The following ETFDH variants were observed in gnomAD, a reference collection of about 807,000 sequenced individuals.
ETFDH encodes electron transfer flavoprotein-ubiquinone oxidoreductase, mitochondrial.
Under a neutral mutation model 73.2 loss-of-function variants are expected in ETFDH, and 61 were observed. That is an observed-to-expected ratio of 0.83 (90% CI 0.68 to 1.03). ETFDH has a LOEUF of 1.03. Ranked by LOEUF, ETFDH falls within the 50% of genes least tolerant of loss-of-function variation. The pLI, the probability that ETFDH is intolerant of heterozygous loss-of-function variation, is 0.00. For synonymous variants in ETFDH, 243 were observed against 253.3 expected (o/e 0.96, Z 0.39); for missense variants, 685 against 745.0 (o/e 0.92, Z 0.94).
chr4:158,682,350 G>C lies in ETFDH; in HGVS notation c.331G>C (p.Ala111Pro). 6.2e-7 allele frequency: 1 copy of C among 1,614,136 alleles called. No homozygotes were observed. Residue 111 changes from alanine to proline, a missense_variant, in exon 3 of 13, where the codon GCT (alanine) becomes CCT (proline). Physicochemically the swap from Ala to Pro is conservative, Grantham distance 27. Transcript: ENST00000511912. ...AGTGGAGAAAGCTGCCCAGATAGGA[G>C]CTCATACTCTCTCAGGGGCTTGCCT... ...CLVEKAAQIG[A>P]HTLSGACLDP...
chr4:158,675,219 A>G (rs1773681843), intron 1 of ETFDH, among the ~76,000 whole-genome samples: 1 of 152,218 alleles, frequency 6.6e-6, no homozygotes, highest in Non-Finnish European at 1.5e-5. Flanking sequence ...CCAGCCTTAG[A>G]CAACAGTTAA....
At chr4:158,704,629 T>C (rs2126311316) in intron 10 of ETFDH, among the ~76,000 whole-genome samples, 2 of 152,336 alleles carry the variant, frequency 1.3e-5, no homozygotes, top group South Asian at 4.1e-4. Context: ...TATCAACTTT[T>C]GTCTTCTGCC....
chr4:158,706,588 A>T lies in ETFDH; in HGVS notation c.1469-41A>T, dbSNP rs746686336. 5 of 1,526,544 alleles carry T rather than the reference A, an allele frequency of 3.3e-6. No individual in the cohort carries two copies. The East Asian group carries it at 1.1e-4, about 34-fold the overall frequency. The allele number at this position is 1,526,544 out of a possible 1,614,324, so 94.6% of individuals were successfully genotyped here. A position where few individuals can be genotyped will look rare whatever the true frequency, so the allele number is the denominator to read the frequency against. On this transcript the variant is annotated intron_variant, in intron 11 of 12. Transcript: ENST00000511912. ...AATAGGCTTAAGAAAAAGTACTTCAAAATCATATTTTGTTAAGCATTTCCC... is the reference window on the plus strand; with the variant it reads ...AATAGGCTTAAGAAAAAGTACTTCATAATCATATTTTGTTAAGCATTTCCC...
At chr4:158,677,782 A>C (rs4348050) in intron 1 of ETFDH, among the ~76,000 whole-genome samples, 136,757 of 152,164 alleles carry the variant, frequency 0.9, 63,218 homozygotes, top group East Asian at 1. Context: ...ATAATGAGGC[A>C]TGTCTGACCC....
chr4:158,685,129 C>T lies in ETFDH; in HGVS notation c.516C>T (p.Tyr172=). ...PGLPMNNHGN[Y]IVRLGHLVSW... ...TTCCAATGAATAATCATGGCAATTA[C>T]ATTGTACGCTTGGGACATTTAGTGA... The change falls in exon 5 of 13, where the codon TAC becomes TAT. Residue 172 remains tyrosine, a synonymous_variant. Transcript: ENST00000511912. The T allele has an allele frequency of 6.2e-7, 1 of 1,609,980 alleles. No homozygotes were observed. Among genetic ancestry groups the T allele is most frequent in the Non-Finnish European group, 8.5e-7 (1 of 1,176,482 alleles).
In ETFDH at chr4:158,672,464, T is replaced by G; in HGVS notation, c.8T>G (p.Val3Gly). The change falls in exon 1 of 13, where the codon GTG becomes GGG. Residue 3 changes from valine to glycine, a missense_variant. By Grantham distance (109) the Val-to-Gly change is moderately radical. Around this residue, in one of 3 missense-constraint regions of ETFDH, gnomAD observed 405 missense variants for 399.3 expected, o/e 1.01. Transcript: ENST00000511912. ...GTCCTGGTGACTTTGAACATGCTGG[T>G]GCCGCTAGCCAAGCTGTCCTGCCTG... is the stretch of plus-strand genomic sequence containing the variant. The part of the protein sequence containing the change: ML[V>G]PLAKLSCLAY... 6.2e-7 allele frequency: 1 copy of G among 1,614,086 alleles called. No individual in the cohort carries two copies. The highest frequency in any genetic ancestry group is 8.5e-7 in the Non-Finnish European group (1 of 1,179,970).
At chr4:158,696,767 A>C (rs1246704487) in intron 7 of ETFDH, among the ~76,000 whole-genome samples, 3 of 152,188 alleles carry the variant, frequency 2.0e-5, no homozygotes, top group African/African-American at 7.2e-5. Context: ...TAGAGGGAAT[A>C]AATTGCTTTG....
rs998369208 is a variant in ETFDH at position 158,687,866 on chromosome 4, C to G, written c.607-2482C>G. 2.0e-5 allele frequency among the ~76,000 whole-genome samples: 3 copies of G among 151,542 alleles called. No individual in the cohort carries two copies. The East Asian group carries it at 5.9e-4, about 30-fold the overall frequency. The stretch of plus-strand genomic sequence containing the variant: ...CCATCCTGGATAACATGGTGAAACC[C>G]CGTCTCTACTAAAAATACGAAAAAT... On this transcript the variant is annotated intron_variant, in intron 5 of 12. Coordinates refer to ENST00000511912, the MANE Select transcript of ETFDH (RefSeq NM_004453.4).
intron 6 of ETFDH, 81 bp downstream of exon 6, chr4:158,690,506 T>C: frequency 1.1e-6 from 1 of 894,632 alleles, no homozygotes; most frequent in South Asian, 1.3e-5. Context: ...TGAAACCCCA[T>C]CTCTCCAAAA....
Position 158,698,977 on chromosome 4 carries a change from A to C in ETFDH, c.973-10A>C. 2 of 1,568,804 alleles carry C rather than the reference A, an allele frequency of 1.3e-6. No homozygotes were observed. Among genetic ancestry groups the C allele is most frequent in the South Asian group, 1.1e-5 (1 of 89,124 alleles). On this transcript the variant is annotated splice_polypyrimidine_tract_variant and intron_variant, in intron 8 of 12. Transcript: ENST00000511912. ...AAATGTCTAATTAAATATAAGTGTA[A>C]ATTTTTAAGGTTGGTCTAGACTATC...
intron 6 of ETFDH, among the ~76,000 whole-genome samples, chr4:158,695,199 C>T (rs960186129): frequency 1.3e-5 from 2 of 152,090 alleles, no homozygotes; most frequent in Non-Finnish European, 2.9e-5. Context: ...GGCTATTATC[C>T]ATTGGCAGAG....
intron 1 of ETFDH, among the ~76,000 whole-genome samples, chr4:158,674,550 C>G (rs1168121246): frequency 2.0e-5 from 3 of 152,326 alleles, no homozygotes; most frequent in African/African-American, 7.2e-5. Flanking sequence ...ATCCTCCTAC[C>G]TCAGCCTCCC....
chr4:158,683,745 A>G (rs533649386), intron 3 of ETFDH, among the ~76,000 whole-genome samples: 58 of 152,018 alleles, frequency 3.8e-4, no homozygotes, highest in Middle Eastern at 3.4e-3. Flanking sequence ...ACACCCAGCT[A>G]ATTTTTGTAT....
intron 6 of ETFDH, among the ~76,000 whole-genome samples, chr4:158,694,055 C>G (rs977150226): frequency 1.3e-5 from 2 of 152,050 alleles, no homozygotes; most frequent in African/African-American, 4.8e-5. Context: ...CTATTATTCT[C>G]CCTTGTAATA....
At chr4:158,676,545 A>G (rs1773716318) in intron 1 of ETFDH, among the ~76,000 whole-genome samples, 1 of 152,230 alleles carries the variant, frequency 6.6e-6, no homozygotes, top group Non-Finnish European at 1.5e-5. Flanking sequence ...GTTCTGGGAA[A>G]GGGCTGTGAT....
chr4:158,683,425 C>G (rs1773913584), intron 3 of ETFDH, among the ~76,000 whole-genome samples: 1 of 152,168 alleles, frequency 6.6e-6, no homozygotes, highest in South Asian at 2.1e-4. Context: ...TCTCTCCTTT[C>G]TGAAATATCA....
intron 6 of ETFDH, 38 bp from the exon 7 acceptor site, chr4:158,695,459 T>G: frequency 6.3e-7 from 1 of 1,575,448 alleles, no homozygotes; most frequent in Non-Finnish European, 8.7e-7. Context: ...TATTTTAAAT[T>G]GTCAAATGTT....
chr4:158,707,715 C>T (rs528584249), intron 12 of ETFDH, among the ~76,000 whole-genome samples: 23 of 152,262 alleles, frequency 1.5e-4, no homozygotes, highest in Admixed American at 3.3e-4. Context: ...ATCCCCACAA[C>T]GCAAGAGTAG....
chr4:158,707,512 T>G (rs17843972), intron 12 of ETFDH, among the ~76,000 whole-genome samples: 1 of 152,198 alleles, frequency 6.6e-6, no homozygotes, highest in Non-Finnish European at 1.5e-5. Flanking sequence ...CAGAAACAAA[T>G]AATTCTTGAG....
Sources: allele counts gnomAD v4.1 joint callset (sites outside exome capture counted in the v4.1 genomes callset), GRCh38; gene constraint gnomAD v4.1.1; regional missense constraint gnomAD v4.1.1; transcripts MANE v1.5; gene names NCBI Gene and HGNC (gene_info 2026-07-23, HGNC 2026-07-21).